WWOX: variants seen among roughly 807,000 people sequenced by gnomAD.
WWOX encodes WW domain-containing oxidoreductase.
In WWOX, 69 loss-of-function variants were observed where a neutral mutation model predicts 46.2. The observed-to-expected ratio is 1.49, with a 90% CI of 1.23 to 1.82. The LOEUF (loss-of-function observed/expected upper bound fraction) is 1.82. WWOX is among the 40% of genes most tolerant of loss of function. The pLI is 0.00. For synonymous variants in WWOX, 359 were observed against 202.6 expected (o/e 1.77, Z -6.56); for missense variants, 919 against 542.6 (o/e 1.69, Z -6.89).
chr16:78,425,206 T>C (rs2083048510), intron 7 of WWOX, 151 bp downstream of exon 7: 3 of 1,052,622 alleles, frequency 2.9e-6, no homozygotes, highest in South Asian at 1.5e-5. Context: ...TCCAGGTCTT[T>C]TTTGTTCGCC....
At chr16:78,735,228 A>T (rs912749553) in intron 8 of WWOX, among the ~76,000 whole-genome samples, 1 of 151,794 alleles carries the variant, frequency 6.6e-6, no homozygotes, top group Non-Finnish European at 1.5e-5. Context: ...TTGTGTTTTG[A>T]TCTTGCTGGA....
rs754512010 is a variant in WWOX, at chr16:78,667,923, C to T, written c.1056+235171C>T. Among the ~76,000 whole-genome samples the T allele has an allele frequency of 5.9e-5, 9 of 152,180 alleles. No homozygotes were observed. The East Asian group carries it at 7.8e-4, about 13-fold the overall frequency. ...TGTTTCTAGGATGTGCCCTCTGCCC[C>T]GTCACATCACACTCTGTGCTGCTCT... On this transcript the variant is annotated intron_variant, in intron 8 of 8. Coordinates refer to ENST00000566780, the MANE Select transcript of WWOX (RefSeq NM_016373.4).
intron 8 of WWOX, among the ~76,000 whole-genome samples, chr16:79,059,054 C>G (rs1287588282): frequency 2.0e-5 from 3 of 152,162 alleles, no homozygotes; most frequent in Non-Finnish European, 4.4e-5. Context: ...TGTTATCAGT[C>G]ATAAGCTTTA....
intron 8 of WWOX, among the ~76,000 whole-genome samples, chr16:78,664,925 A>G (rs1157776240): frequency 6.6e-6 from 1 of 152,224 alleles, no homozygotes; most frequent in Admixed American, 6.5e-5. Context: ...TGGCTCTGTC[A>G]TGTGTCAGCC....
At chr16:78,591,401 A>C (rs926214990) in intron 8 of WWOX, among the ~76,000 whole-genome samples, 1 of 152,174 alleles carries the variant, frequency 6.6e-6, no homozygotes, top group Admixed American at 6.5e-5. Context: ...AGCCCAGTAC[A>C]CAACTGTCTC....
At chr16:78,812,633 C>T (rs768113071) in intron 8 of WWOX, among the ~76,000 whole-genome samples, 3 of 151,804 alleles carry the variant, frequency 2.0e-5, no homozygotes, top group Admixed American at 6.6e-5. Context: ...GGCTGACGCG[C>T]GAGAATCACT....
Position 78,880,580 on chromosome 16 carries a change from C to T in WWOX, c.1057-331028C>T, listed in dbSNP as rs1047688268. ...TTGCATCATTTTGAAGGTAGATAGG[C>T]AGGTTTTTGCATTTGGAATCCAGCC... is the stretch of plus-strand genomic sequence containing the variant. On this transcript the variant is annotated intron_variant, in intron 8 of 8. Transcript: ENST00000566780. Among the ~76,000 whole-genome samples the T allele has an allele frequency of 5.3e-5, 8 of 152,186 alleles. No individual in the cohort carries two copies. The East Asian group carries it at 1.5e-3, about 29-fold the overall frequency.
intron 4 of WWOX, among the ~76,000 whole-genome samples, chr16:78,148,398 G>C (rs1319291421): frequency 1.3e-5 from 2 of 152,060 alleles, no homozygotes; most frequent in Non-Finnish European, 2.9e-5. Context: ...GTAGGGGGTG[G>C]AATTATGGAG....
At chr16:78,817,846 G>A (rs145961234) in intron 8 of WWOX, among the ~76,000 whole-genome samples, 4 of 152,264 alleles carry the variant, frequency 2.6e-5, no homozygotes, top group Non-Finnish European at 5.9e-5. Flanking sequence ...TTCTGATGAG[G>A]TCAAGCCTTC....
chr16:78,558,824 T>A (rs1056808046), intron 8 of WWOX, among the ~76,000 whole-genome samples: 3 of 152,236 alleles, frequency 2.0e-5, no homozygotes, highest in African/African-American at 4.8e-5. Context: ...AGTGGCTCTT[T>A]CGGAAGACTT....
intron 8 of WWOX, among the ~76,000 whole-genome samples, chr16:78,724,679 T>G (rs2048781645): frequency 6.6e-6 from 1 of 152,168 alleles, no homozygotes; most frequent in South Asian, 2.1e-4. Context: ...TACATCAAAA[T>G]CAGCTCGTCA....
chr16:78,826,337 A>T (rs184808126), intron 8 of WWOX, among the ~76,000 whole-genome samples: 214 of 152,234 alleles, frequency 1.4e-3, no homozygotes, highest in African/African-American at 4.9e-3. Flanking sequence ...AAAGAGTAAA[A>T]CTCAGTCTCA....
intron 8 of WWOX, among the ~76,000 whole-genome samples, chr16:78,553,996 T>C (rs2044231716): frequency 1.3e-5 from 2 of 152,038 alleles, no homozygotes; most frequent in Non-Finnish European, 2.9e-5. Context: ...GGAAGTGTTT[T>C]TCTGAGGGCA....
At chr16:78,886,363 C>T (rs1372147397) in intron 8 of WWOX, among the ~76,000 whole-genome samples, 1 of 150,634 alleles carries the variant, frequency 6.6e-6, no homozygotes, top group Admixed American at 6.6e-5. Context: ...TTTATTTACT[C>T]AATATTAATT....
chr16:78,980,940 G>A (rs964395655), intron 8 of WWOX, among the ~76,000 whole-genome samples: 6 of 152,132 alleles, frequency 3.9e-5, no homozygotes, highest in African/African-American at 1.4e-4. Context: ...TGTTGAGATC[G>A]AGTGATATAA....
At chr16:79,137,449 G>C (rs1377683136) in intron 8 of WWOX, among the ~76,000 whole-genome samples, 2 of 152,162 alleles carry the variant, frequency 1.3e-5, no homozygotes, top group Non-Finnish European at 1.5e-5. Context: ...ACTTATGAAT[G>C]TTCTAAAATG....
In WWOX at chr16:78,802,151, A is replaced by G. The variant is rs140566762; in HGVS notation, c.1056+369399A>G. On this transcript the variant is annotated intron_variant, in intron 8 of 8. Transcript: ENST00000566780. Reference sequence around the variant, plus strand: ...GATCAGACGTGCTTTTGAAATATCCAGATATATACAACACAAAGAGCGAAG... The same window carrying G: ...GATCAGACGTGCTTTTGAAATATCCGGATATATACAACACAAAGAGCGAAG... Among the ~76,000 whole-genome samples, 6 of 151,334 alleles carry G rather than the reference A, an allele frequency of 4.0e-5. No homozygotes were observed. The East Asian group carries it at 1.2e-3, about 29-fold the overall frequency.
At chr16:78,644,884 C>T (rs76243692) in intron 8 of WWOX, among the ~76,000 whole-genome samples, 3,348 of 152,092 alleles carry the variant, frequency 0.022, 51 homozygotes, top group Non-Finnish European at 0.033. Context: ...AAAATCGGGA[C>T]GGCATGTTAG....
At chr16:78,916,010 C>G (rs1393698113) in intron 8 of WWOX, among the ~76,000 whole-genome samples, 1 of 152,128 alleles carries the variant, frequency 6.6e-6, no homozygotes, top group Non-Finnish European at 1.5e-5. Context: ...TTGTTTTGAA[C>G]TCTAATTAGG....
Sources: allele counts gnomAD v4.1 joint callset (sites outside exome capture counted in the v4.1 genomes callset), GRCh38; gene constraint gnomAD v4.1.1; transcripts MANE v1.5; gene names NCBI Gene and HGNC (gene_info 2026-07-23, HGNC 2026-07-21).